KLRD1: variants seen among roughly 807,000 people sequenced by gnomAD.
The protein encoded by KLRD1 is natural killer cells antigen CD94.
KLRD1 carries 21 observed loss-of-function variants against 22.6 expected under a neutral mutation model. The observed-to-expected ratio is 0.93, with a 90% CI of 0.66 to 1.34. The LOEUF is 1.34. Ranked by LOEUF, KLRD1 falls within the 40% of genes most tolerant of loss-of-function variation. The probability of loss-of-function intolerance (pLI) is 0.00; values close to 1 mark genes in which losing one functional copy is unlikely to be tolerated. For synonymous variants in KLRD1, 59 were observed against 71.1 expected, an observed-to-expected ratio of 0.83 and a Z score of 0.85; for missense variants, 183 against 208.6, an observed-to-expected ratio of 0.88 and a Z score of 0.76.
chr12:10,308,014 G>T lies in KLRD1; in HGVS notation c.-64G>T, dbSNP rs1406900444. The T allele has an allele frequency of 6.8e-7, 1 of 1,477,074 alleles. No individual in the cohort carries two copies. Among genetic ancestry groups the T allele is most frequent in the Non-Finnish European group, 9.5e-7 (1 of 1,056,186 alleles). The allele number at this position is 1,477,074 out of a possible 1,614,324, so 91.5% of individuals were successfully genotyped here. On this transcript the variant is annotated 5_prime_UTR_variant, in exon 1 of 6. Transcript: ENST00000336164. Reference sequence around the variant, plus strand: ...TCCAGCTCAGCTTCAACAATTCAACGCTGTTCTTTCTGAAAAAGTACACAT... The same window carrying T: ...TCCAGCTCAGCTTCAACAATTCAACTCTGTTCTTTCTGAAAAAGTACACAT...
intron 1 of KLRD1, among the ~76,000 whole-genome samples, chr12:10,246,495 G>A (rs552435621): frequency 6.6e-6 from 1 of 152,232 alleles, no homozygotes; most frequent in South Asian, 2.1e-4. Flanking sequence ...TGCTTCACAA[G>A]ATAGGGTAGG....
rs960607166 is a variant in KLRD1 at position 10,322,809 on chromosome 12, C to T, written c.*8016C>T. 2.0e-5 allele frequency: 3 copies of T among 152,200 alleles called. No individual in the cohort carries two copies. The highest frequency in any genetic ancestry group is 6.5e-5 in the Admixed American group (1 of 15,286). The allele number at this position is 152,200 out of a possible 1,614,324, so 9.4% of individuals were successfully genotyped here. On this transcript the variant is annotated 3_prime_UTR_variant, in exon 6 of 6. Coordinates refer to ENST00000336164, the MANE Select transcript of KLRD1 (RefSeq NM_002262.5). The stretch of plus-strand genomic sequence containing the variant: ...GAGACTACCTACCACCACCAAGACT[C>T]TCTTGCTGTTTGCTAATTGATACTG...
At chr12:10,314,366 A>C (rs181844914) in intron 5 of KLRD1, among the ~76,000 whole-genome samples, 1 of 152,320 alleles carries the variant, frequency 6.6e-6, no homozygotes, top group Admixed American at 6.5e-5. Context: ...TTCCTAGACT[A>C]GATCAGATAA....
In KLRD1 at chr12:10,328,680, A is replaced by G. The variant is rs1292416280; in HGVS notation, c.*13887A>G. ...CTTTATTATTTTCTTTATTCTTCTA[A>G]ATTTGAACTTTGTTTGTTCTTTTCT... On this transcript the variant is annotated 3_prime_UTR_variant, in exon 6 of 6. Coordinates refer to ENST00000336164, the MANE Select transcript of KLRD1 (RefSeq NM_002262.5). 6.6e-6 allele frequency: 1 copy of G among 151,820 alleles called. No homozygotes were observed. The highest frequency in any genetic ancestry group is 1.5e-5 in the Non-Finnish European group (1 of 67,924). The allele number at this position is 151,820 out of a possible 1,614,324, so 9.4% of individuals were successfully genotyped here. A position where few individuals can be genotyped will look rare whatever the true frequency, so the allele number is the denominator to read the frequency against.
At chr12:10,271,097 G>GT (rs71049082) in intron 1 of KLRD1, among the ~76,000 whole-genome samples, 113,504 of 145,732 alleles carry the variant, frequency 0.78, 44,212 homozygotes, top group East Asian at 0.92. Flanking sequence ...CTCCCTAATT[G>GT]TTTTTTTTTT....
intron 1 of KLRD1, among the ~76,000 whole-genome samples, chr12:10,263,616 C>G (rs1234780279): frequency 6.6e-6 from 1 of 152,014 alleles, no homozygotes; most frequent in African/African-American, 2.4e-5. Context: ...GATCTGATCC[C>G]TGTCCAATAA....
chr12:10,264,281 T>G (rs1949479969), intron 1 of KLRD1, among the ~76,000 whole-genome samples: 1 of 152,106 alleles, frequency 6.6e-6, no homozygotes, highest in Admixed American at 6.5e-5. Context: ...ACTGCTTCTC[T>G]CCTCCCTTTT....
At chr12:10,253,855 T>C (rs1294190737) in intron 1 of KLRD1, among the ~76,000 whole-genome samples, 1 of 152,190 alleles carries the variant, frequency 6.6e-6, no homozygotes, top group Non-Finnish European at 1.5e-5. Context: ...TCTTTGCTAT[T>C]GCGACAAGTG....
chr12:10,289,509 C>T (rs1949745393), intron 1 of KLRD1, among the ~76,000 whole-genome samples: 1 of 152,212 alleles, frequency 6.6e-6, no homozygotes, highest in African/African-American at 2.4e-5. Flanking sequence ...TATTTGCACA[C>T]TTCTTTTACT....
chr12:10,306,012 A>T (rs1359999760), upstream of KLRD1, among the ~76,000 whole-genome samples: 1 of 151,376 alleles, frequency 6.6e-6, no homozygotes, highest in Non-Finnish European at 1.5e-5. Flanking sequence ...AAAAAAAAAT[A>T]CAAAAAATTA....
chr12:10,304,545 C>G (rs988520748), upstream of KLRD1: 2 of 152,184 alleles, frequency 1.3e-5, no homozygotes, highest in African/African-American at 4.8e-5. Flanking sequence ...GCAGGGGTTA[C>G]AGGTGAGTGC....
At chr12:10,271,124 T>A (rs1320052984) in intron 1 of KLRD1, among the ~76,000 whole-genome samples, 1 of 151,856 alleles carries the variant, frequency 6.6e-6, no homozygotes, top group African/African-American at 2.4e-5. Flanking sequence ...ACTATATCTT[T>A]CATCTTTGTA....
rs1950363587 is a variant in KLRD1, at chr12:10,326,556, G to A, written c.*11763G>A. On this transcript the variant is annotated 3_prime_UTR_variant, in exon 6 of 6. Transcript: ENST00000336164. The stretch of plus-strand genomic sequence containing the variant: ...ACTGGAAGCAAGGAGGGGGCTTCCA[G>A]GTCACAGGTAAGAGACAAATGGTTG... 1 of 152,262 alleles carries A rather than the reference G, an allele frequency of 6.6e-6. No individual in the cohort carries two copies. The highest frequency in any genetic ancestry group is 1.5e-5 in the Non-Finnish European group (1 of 68,084). 9.4% of individuals were successfully genotyped at this position (152,262 alleles called of 1,614,324 possible).
At chr12:10,264,592 G>C (rs1949482732) in intron 1 of KLRD1, among the ~76,000 whole-genome samples, 1 of 151,584 alleles carries the variant, frequency 6.6e-6, no homozygotes, top group Non-Finnish European at 1.5e-5. Flanking sequence ...GTATATTTAG[G>C]GTGTACAATG....
intron 1 of KLRD1, among the ~76,000 whole-genome samples, chr12:10,299,077 C>T (rs1004697354): frequency 2.0e-5 from 3 of 152,066 alleles, no homozygotes; most frequent in Admixed American, 6.5e-5. Flanking sequence ...TAGAAAGGTG[C>T]TTTATTACTT....
chr12:10,323,864 C>CTTTTTTTTTTTTTTTTTTTTCTTTTTTTT lies in KLRD1; in HGVS notation c.*9086_*9087insTTTTTCTTTTTTTTTTTTTTTTTTTTTTT, dbSNP rs3983613. On this transcript the variant is annotated 3_prime_UTR_variant, in exon 6 of 6. Transcript: ENST00000336164. ...TTCCCTTTTATTTCTTATTTCTTTC[C>CTTTTTTTTTTTTTTTTTTTTCTTTTTTTT]TTTTTTTTTTTTTTTGAGACTGAGT... is the stretch of plus-strand genomic sequence containing the variant. The CTTTTTTTTTTTTTTTTTTTTCTTTTTTTT allele has an allele frequency of 1.9e-5, 2 of 106,336 alleles. No homozygotes were observed. Among genetic ancestry groups the CTTTTTTTTTTTTTTTTTTTTCTTTTTTTT allele is most frequent in the African/African-American group, 6.6e-5 (2 of 30,268 alleles). The allele number at this position is 106,336 out of a possible 1,614,324, so 6.6% of individuals were successfully genotyped here. A position where few individuals can be genotyped will look rare whatever the true frequency, so the allele number is the denominator to read the frequency against.
At chr12:10,304,980 C>G (rs947001415), upstream of KLRD1, among the ~76,000 whole-genome samples, 1 of 152,128 alleles carries the variant, frequency 6.6e-6, no homozygotes, top group Non-Finnish European at 1.5e-5. Context: ...AATGCATTTT[C>G]TAAAAGCAGT....
rs1159993949 is a variant in KLRD1 at position 10,308,013 on chromosome 12, C to T, written c.-65C>T. 31 of 1,467,138 alleles carry T rather than the reference C, an allele frequency of 2.1e-5. No homozygotes were observed. Among genetic ancestry groups the T allele is most frequent in the East Asian group, 1.6e-4 (7 of 44,166 alleles). 90.9% of individuals were successfully genotyped at this position (1,467,138 alleles called of 1,614,324 possible). A position where few individuals can be genotyped will look rare whatever the true frequency, so the allele number is the denominator to read the frequency against. On this transcript the variant is annotated 5_prime_UTR_variant, in exon 1 of 6. In the 5' UTR this introduces an upstream ATG that the reference lacks. Coordinates refer to ENST00000336164, the MANE Select transcript of KLRD1 (RefSeq NM_002262.5). ...CTCCAGCTCAGCTTCAACAATTCAACGCTGTTCTTTCTGAAAAAGTACACA... is the reference window on the plus strand; with the variant it reads ...CTCCAGCTCAGCTTCAACAATTCAATGCTGTTCTTTCTGAAAAAGTACACA...
At chr12:10,246,723 G>A (rs1190954620) in intron 1 of KLRD1, among the ~76,000 whole-genome samples, 2 of 152,044 alleles carry the variant, frequency 1.3e-5, no homozygotes, top group Non-Finnish European at 2.9e-5. Context: ...CCTATAATGT[G>A]CAAATAATTT....
Sources: allele counts gnomAD v4.1 joint callset (sites outside exome capture counted in the v4.1 genomes callset), GRCh38; gene constraint gnomAD v4.1.1; transcripts MANE v1.5; gene names NCBI Gene and HGNC (gene_info 2026-07-23, HGNC 2026-07-21).